Variants in MAPK10 observed in about 807,000 individuals in gnomAD.
MAPK10 encodes mitogen-activated protein kinase 10.
In MAPK10, 25 loss-of-function variants were observed where a neutral mutation model predicts 59.3. The observed-to-expected ratio is 0.42, with a 90% CI of 0.31 to 0.59. The LOEUF (loss-of-function observed/expected upper bound fraction) is 0.59. Ranked by LOEUF, MAPK10 falls within the 20% of genes least tolerant of loss-of-function variation. The probability of loss-of-function intolerance (pLI) is 0.15; values close to 1 mark genes in which losing one functional copy is unlikely to be tolerated. For synonymous variants in MAPK10, 190 were observed against 200.5 expected, an observed-to-expected ratio of 0.95 and a Z score of 0.44; for missense variants, 351 against 568.9, an observed-to-expected ratio of 0.62 and a Z score of 3.90.
At chr4:86,101,432 C>A in intron 7 of MAPK10, 1 of 481,596 alleles carries the variant, frequency 2.1e-6, no homozygotes, top group South Asian at 3.3e-5. Context: ...TTATCATTTT[C>A]ACAATTTACA....
At chr4:86,055,265 T>C (rs1172342838) in intron 11 of MAPK10, among the ~76,000 whole-genome samples, 2 of 132,388 alleles carry the variant, frequency 1.5e-5, no homozygotes, top group Non-Finnish European at 3.3e-5. Context: ...ATTCACATTG[T>C]TAATTATTCT....
intron 2 of MAPK10, among the ~76,000 whole-genome samples, chr4:86,349,710 A>G (rs937842883): frequency 1.3e-5 from 2 of 152,180 alleles, no homozygotes; most frequent in African/African-American, 4.8e-5. Context: ...AAACTTTAAC[A>G]TGTATTTAAA....
Position 86,507,615 on chromosome 4 carries a change from G to GAGATAT in MAPK10, c.-263+86294_-263+86295insATATCT, listed in dbSNP as rs1219957209. Among the ~76,000 whole-genome samples, 32 of 35,650 alleles carry GAGATAT rather than the reference G, an allele frequency of 9.0e-4. 1 individual carries two copies. Among genetic ancestry groups the GAGATAT allele is most frequent in the Non-Finnish European group, 1.3e-3 (26 of 19,456 alleles). The allele number at this position is 35,650 out of a possible 152,430, so 23.4% of individuals were successfully genotyped here. A position where few individuals can be genotyped will look rare whatever the true frequency, so the allele number is the denominator to read the frequency against. ...TTACTATTAAAAAGAATAAACTGGAGATATATATATATATATATATATATA... is the reference window on the plus strand; with the variant it reads ...TTACTATTAAAAAGAATAAACTGGAGAGATATATATATATATATATATATATATATA... On this transcript the variant is annotated intron_variant, in intron 1 of 4. Coordinates refer to the MAPK10 transcript ENST00000502302.
intron 2 of MAPK10, among the ~76,000 whole-genome samples, chr4:86,322,429 G>A (rs189666078): frequency 2.0e-5 from 3 of 152,278 alleles, no homozygotes; most frequent in Non-Finnish European, 4.4e-5. Context: ...AGTTACGAAC[G>A]TCTAACATAA....
intron 1 of MAPK10, among the ~76,000 whole-genome samples, chr4:86,413,234 G>T (rs1301136214): frequency 6.6e-6 from 1 of 152,168 alleles, no homozygotes; most frequent in African/African-American, 2.4e-5. Context: ...CACCAGCAGA[G>T]ACTGCAGAAC....
In MAPK10 at chr4:86,295,935, G is replaced by C. The variant is rs142536846; in HGVS notation, c.-7+58595C>G. On this transcript the variant is annotated intron_variant, in intron 2 of 13. Coordinates refer to ENST00000641462, the MANE Select transcript of MAPK10 (RefSeq NM_138982.4). The stretch of plus-strand genomic sequence containing the variant: ...TCATGCCTGTAATCCCAGCACTTTG[G>C]GAGGCCAAAGCAAGCAGATCACCTG... Among the ~76,000 whole-genome samples, 654 of 151,334 alleles carry C rather than the reference G, an allele frequency of 4.3e-3. 5 individuals are homozygous for C. The highest frequency in any genetic ancestry group is 0.015 in the African/African-American group (620 of 41,364).
At chr4:86,133,195 C>T (rs987494184) in intron 4 of MAPK10, among the ~76,000 whole-genome samples, 4 of 152,106 alleles carry the variant, frequency 2.6e-5, no homozygotes, top group African/African-American at 9.7e-5. Flanking sequence ...TTTCTGTTTT[C>T]TCTACAGATA....
intron 2 of MAPK10, among the ~76,000 whole-genome samples, chr4:86,339,464 A>C (rs1247209916): frequency 6.6e-6 from 1 of 152,230 alleles, no homozygotes; most frequent in African/African-American, 2.4e-5. Flanking sequence ...AACCAGATTT[A>C]TCTGACCGTA....
intron 3 of MAPK10, chr4:86,193,821 G>T (rs1406437573): frequency 6.3e-6 from 1 of 158,188 alleles, no homozygotes; most frequent in African/African-American, 2.4e-5. Context: ...ATCTCTTGTA[G>T]CTAGCTTGGT....
At chr4:86,328,958 T>A (rs1277140566) in intron 2 of MAPK10, among the ~76,000 whole-genome samples, 2 of 152,106 alleles carry the variant, frequency 1.3e-5, no homozygotes, top group Admixed American at 1.3e-4. Context: ...CCATGGCACA[T>A]GTGTACCTAT....
At position 86,531,765 on chromosome 4, in the gene MAPK10, G is replaced by A. The variant is rs115912128; in HGVS notation, c.-263+62145C>T. On this transcript the variant is annotated intron_variant, in intron 1 of 4. Coordinates refer to the MAPK10 transcript ENST00000502302. ...CAAAGCATCCAGGATTGGGGGAGGG[G>A]AGAGCTGAATGGCAAGAGAAGGCTG... Among the ~76,000 whole-genome samples the A allele has an allele frequency of 1.4e-3, 212 of 152,268 alleles. 2 individuals carry two copies. The highest frequency in any genetic ancestry group is 4.6e-3 in the African/African-American group (192 of 41,538).
chr4:86,441,870 A>G (rs1447855530), intron 1 of MAPK10, among the ~76,000 whole-genome samples: 1 of 152,248 alleles, frequency 6.6e-6, no homozygotes, highest in Non-Finnish European at 1.5e-5. Context: ...GAATAGAAAC[A>G]GTAGTAAATT....
chr4:86,430,554 A>G (rs889046321), intron 1 of MAPK10, among the ~76,000 whole-genome samples: 53 of 152,358 alleles, frequency 3.5e-4, no homozygotes, highest in African/African-American at 1.2e-3. Context: ...GTTATATACC[A>G]TAGAGTTGGG....
chr4:86,108,722 A>C (rs1325081916), intron 4 of MAPK10, among the ~76,000 whole-genome samples: 4 of 152,188 alleles, frequency 2.6e-5, no homozygotes, highest in African/African-American at 9.6e-5. Flanking sequence ...TCTAATAAAC[A>C]GAGTTATCTT....
At chr4:86,293,472 C>T (rs899211708) in intron 2 of MAPK10, among the ~76,000 whole-genome samples, 1 of 152,132 alleles carries the variant, frequency 6.6e-6, no homozygotes, top group Non-Finnish European at 1.5e-5. Flanking sequence ...TACTAGTAAC[C>T]CTGCTTATAC....
chr4:86,270,684 C>A (rs1277605971), intron 2 of MAPK10, among the ~76,000 whole-genome samples: 2 of 151,978 alleles, frequency 1.3e-5, no homozygotes, highest in Non-Finnish European at 2.9e-5. Context: ...TCTAGGCCAT[C>A]CCCACACCTC....
chr4:86,048,361 T>G (rs9307015), intron 11 of MAPK10, among the ~76,000 whole-genome samples: 2 of 152,000 alleles, frequency 1.3e-5, no homozygotes, highest in East Asian at 3.9e-4. Flanking sequence ...CTTAAAATTC[T>G]GAGAAGCAGT....
intron 1 of MAPK10, among the ~76,000 whole-genome samples, chr4:86,367,000 A>C (rs1738006027): frequency 6.6e-6 from 1 of 152,156 alleles, no homozygotes; most frequent in Non-Finnish European, 1.5e-5. Flanking sequence ...CCTATCCTAT[A>C]ATCTAGAATA....
intron 2 of MAPK10, 118 bp from the exon 3 acceptor site, chr4:86,194,525 A>T: frequency 1.5e-6 from 1 of 683,850 alleles, no homozygotes; most frequent in Non-Finnish European, 2.6e-6. Flanking sequence ...CATATCTCCA[A>T]CATAATCCTT....
Sources: gnomAD v4.1 joint callset for allele counts (sites outside exome capture counted in the v4.1 genomes callset) on GRCh38, gnomAD v4.1.1 for gene constraint, MANE v1.5 for transcripts, NCBI Gene and HGNC (gene_info 2026-07-23, HGNC 2026-07-21) for gene names.